Variants in VPS13B observed in about 807,000 individuals in gnomAD.
VPS13B encodes the protein intermembrane lipid transfer protein VPS13B.
A neutral mutation model predicts 426.4 loss-of-function variants in VPS13B; 285 were observed. The ratio of observed to expected loss-of-function variants is 0.67; its 90% CI spans 0.61 to 0.74. The LOEUF (loss-of-function observed/expected upper bound fraction) is 0.74. Ranked by LOEUF, VPS13B falls within the 30% of genes least tolerant of loss-of-function variation. VPS13B has a pLI of 0.00. For synonymous variants in VPS13B, 1,676 were observed against 1,676.4 expected, an observed-to-expected ratio of 1.00 and a Z score of 0.01; for missense variants, 4,537 against 4,782.6, an observed-to-expected ratio of 0.95 and a Z score of 1.51.
intron 29 of VPS13B, among the ~76,000 whole-genome samples, chr8:99,517,789 A>C (rs1457420002): frequency 1.3e-5 from 2 of 152,128 alleles, no homozygotes; most frequent in African/African-American, 4.8e-5. Context: ...TAGAAGGAAC[A>C]TTTCCTCATA....
chr8:99,226,054 C>G (rs769942259), intron 17 of VPS13B, among the ~76,000 whole-genome samples: 5 of 152,080 alleles, frequency 3.3e-5, no homozygotes, highest in African/African-American at 4.8e-5. Flanking sequence ...AAGCCATTCT[C>G]CTGCCTCAGC....
rs779218452 is a variant in VPS13B, at chr8:99,170,153, C to G, written c.2323C>G (p.Pro775Ala). Reference protein sequence around the residue: ...TALYGKLLKLPTCWTKRSQIA... With the variant: ...TALYGKLLKLATCWTKRSQIA... ...TCTTTATGGGAAACTTCTGAAACTC[C>G]CCACATGCTGGTAAGTCTTACATGT... The change falls in exon 16 of 62, where the codon CCC becomes GCC. Residue 775 changes from proline (P) to alanine (A), a missense_variant. Physicochemically the swap from Pro to Ala is conservative, Grantham distance 27. Around this residue, in one of 2 missense-constraint regions of VPS13B, gnomAD observed 4,311 missense variants for 4,474.3 expected, o/e 0.96. Coordinates refer to ENST00000357162, the MANE Select transcript of VPS13B (RefSeq NM_152564.5). 1.1e-5 allele frequency: 18 copies of G among 1,612,468 alleles called. No homozygotes were observed. Among genetic ancestry groups the G allele is most frequent in the Middle Eastern group, 1.6e-4 (1 of 6,072 alleles).
chr8:99,387,209 T>C (rs986725636), intron 20 of VPS13B, among the ~76,000 whole-genome samples: 5 of 152,074 alleles, frequency 3.3e-5, no homozygotes, highest in Admixed American at 6.6e-5. Context: ...AAAATTTGCA[T>C]TTTCTTTTTC....
chr8:99,100,887 T>A (rs1846696701), intron 4 of VPS13B, among the ~76,000 whole-genome samples: 1 of 151,436 alleles, frequency 6.6e-6, no homozygotes, highest in South Asian at 2.1e-4. Flanking sequence ...CTAAAAAAAA[T>A]ACAAAAATTA....
At chr8:99,064,777 G>C (rs1055383315) in intron 3 of VPS13B, among the ~76,000 whole-genome samples, 1 of 152,058 alleles carries the variant, frequency 6.6e-6, no homozygotes, top group African/African-American at 2.4e-5. Context: ...GATACTCTTC[G>C]AGAAGAGCAA....
chr8:99,131,672 A>G (rs552804986), intron 8 of VPS13B, among the ~76,000 whole-genome samples: 1 of 152,248 alleles, frequency 6.6e-6, no homozygotes, highest in African/African-American at 2.4e-5. Context: ...AAAAAATGCT[A>G]ACAATCATCT....
intron 33 of VPS13B, among the ~76,000 whole-genome samples, chr8:99,640,069 A>G (rs7833235): frequency 0.35 from 38,503 of 110,124 alleles, 6,924 homozygotes; most frequent in South Asian, 0.49. Flanking sequence ...AAGAAAAGAA[A>G]AGAAAAGAAA....
At chr8:99,481,419 C>T (rs1820030971) in intron 24 of VPS13B, among the ~76,000 whole-genome samples, 180 bp from the exon 25 acceptor site, 2 of 152,150 alleles carry the variant, frequency 1.3e-5, no homozygotes, top group Admixed American at 1.3e-4. Flanking sequence ...ATGAAAATAT[C>T]ACAGAGTGAG....
chr8:99,131,581 G>T (rs1809806970), intron 8 of VPS13B, among the ~76,000 whole-genome samples: 1 of 151,766 alleles, frequency 6.6e-6, no homozygotes, highest in Non-Finnish European at 1.5e-5. Flanking sequence ...AATTATGTTT[G>T]CACAATATTG....
intron 16 of VPS13B, among the ~76,000 whole-genome samples, chr8:99,171,246 T>C (rs1812314418): frequency 6.6e-6 from 1 of 151,984 alleles, no homozygotes; most frequent in South Asian, 2.1e-4. Context: ...GAGATAGATT[T>C]AACTTTTTAT....
At chr8:99,444,018 T>TA (rs1413802315) in intron 23 of VPS13B, among the ~76,000 whole-genome samples, 1 of 151,924 alleles carries the variant, frequency 6.6e-6, no homozygotes, top group Non-Finnish European at 1.5e-5. Context: ...TTTTTTTTTT[T>TA]ATTTTGTTCT....
intron 13 of VPS13B, among the ~76,000 whole-genome samples, chr8:99,146,987 A>G (rs1355925167): frequency 2.0e-5 from 3 of 152,118 alleles, no homozygotes; most frequent in African/African-American, 7.2e-5. Context: ...GATTCCTTCT[A>G]TTTTATTGTT....
At chr8:99,308,242 C>T (rs552073058) in intron 19 of VPS13B, among the ~76,000 whole-genome samples, 1 of 151,934 alleles carries the variant, frequency 6.6e-6, no homozygotes, top group African/African-American at 2.4e-5. Context: ...AGGTTAGTTA[C>T]ATATGTATAC....
chr8:99,533,919 C>G (rs1823057501), intron 30 of VPS13B, among the ~76,000 whole-genome samples: 1 of 152,130 alleles, frequency 6.6e-6, no homozygotes, highest in Non-Finnish European at 1.5e-5. Flanking sequence ...CTTCCTCCTC[C>G]CAACTTTTAA....
At chr8:99,821,529 C>G in intron 50 of VPS13B, 47 bp downstream of exon 50, 1 of 1,604,514 alleles carries the variant, frequency 6.2e-7, no homozygotes, top group Non-Finnish European at 8.5e-7. Flanking sequence ...ATGCCATCCC[C>G]TTAACCTGTC....
chr8:99,483,816 A>C (rs2133561584), intron 25 of VPS13B, among the ~76,000 whole-genome samples: 1 of 152,290 alleles, frequency 6.6e-6, no homozygotes, highest in Non-Finnish European at 1.5e-5. Flanking sequence ...GACAGGGCTC[A>C]CATGAAATGG....
chr8:99,404,210 T>C (rs2133342461), intron 21 of VPS13B, among the ~76,000 whole-genome samples: 1 of 152,386 alleles, frequency 6.6e-6, no homozygotes, highest in Non-Finnish European at 1.5e-5. Context: ...ATTGCAATGT[T>C]AATATGTGAA....
intron 25 of VPS13B, among the ~76,000 whole-genome samples, chr8:99,485,549 TAC>T (rs1057204064): frequency 1.3e-5 from 2 of 152,294 alleles, no homozygotes; most frequent in Admixed American, 1.3e-4. Flanking sequence ...TTTTTCTGCT[TAC>T]CACAGATACA....
chr8:99,482,051 C>A (rs1279618436), intron 25 of VPS13B, among the ~76,000 whole-genome samples: 2 of 152,034 alleles, frequency 1.3e-5, no homozygotes, highest in African/African-American at 4.8e-5. Context: ...AAAACTGAGA[C>A]ACAGTAAAGG....
Sources: allele counts gnomAD v4.1 joint callset (sites outside exome capture counted in the v4.1 genomes callset), GRCh38; gene constraint gnomAD v4.1.1; regional missense constraint gnomAD v4.1.1; transcripts MANE v1.5; gene names NCBI Gene and HGNC (gene_info 2026-07-23, HGNC 2026-07-21).